The following KANK1 variants were observed in gnomAD, a reference collection of about 807,000 sequenced individuals.
KANK1 encodes the protein KN motif and ankyrin repeat domain-containing protein 1.
In KANK1, 109 loss-of-function variants were observed where a neutral mutation model predicts 106.2. The ratio of observed to expected loss-of-function variants is 1.03; its 90% CI spans 0.88 to 1.20. The LOEUF (loss-of-function observed/expected upper bound fraction) is 1.20. Ranked by LOEUF, KANK1 falls within the 50% of genes most tolerant of loss-of-function variation. The pLI, the probability that KANK1 is intolerant of heterozygous loss-of-function variation, is 0.00. For synonymous variants in KANK1, 873 were observed against 652.2 expected (o/e 1.34, Z -5.16); for missense variants, 2,399 against 1,710.7 (o/e 1.40, Z -7.10).
chr9:723,060 G>T (rs969174719), intron 3 of KANK1, among the ~76,000 whole-genome samples: 1 of 152,180 alleles, frequency 6.6e-6, no homozygotes, highest in African/African-American at 2.4e-5. Context: ...GAATTCAGCT[G>T]GTGAAGGATG....
chr9:480,958 C>G (rs891181194), intron 3 of KANK1, among the ~76,000 whole-genome samples: 3 of 152,170 alleles, frequency 2.0e-5, no homozygotes, highest in African/African-American at 7.2e-5. Flanking sequence ...GCTACTGTGT[C>G]CCAATAAACC....
chr9:493,232 T>G (rs1321887325), intron 3 of KANK1, among the ~76,000 whole-genome samples: 1 of 152,114 alleles, frequency 6.6e-6, no homozygotes, highest in East Asian at 1.9e-4. Context: ...TGGTCATTCT[T>G]TTTGTCTTTC....
At chr9:484,175 C>G (rs567213116) in intron 3 of KANK1, 1 of 152,046 alleles carries the variant, frequency 6.6e-6, no homozygotes, top group Non-Finnish European at 1.5e-5. Flanking sequence ...AAGGATATGT[C>G]GGTGACTATG....
At chr9:724,008 T>C (rs4742304) in intron 3 of KANK1, among the ~76,000 whole-genome samples, 57,057 of 147,716 alleles carry the variant, frequency 0.39, 11,753 homozygotes, top group Middle Eastern at 0.58. Flanking sequence ...GGGGCTGAGG[T>C]GGGAGGATTG....
chr9:573,524 C>T (rs192443898), intron 1 of KANK1, among the ~76,000 whole-genome samples: 8 of 152,224 alleles, frequency 5.3e-5, no homozygotes, highest in African/African-American at 9.6e-5. Context: ...CCCTCCTCGG[C>T]CTCCCAAAGT....
chr9:734,614 C>G (rs1833253633), intron 6 of KANK1, 134 bp from the exon 7 acceptor site: 1 of 589,922 alleles, frequency 1.7e-6, no homozygotes, highest in African/African-American at 1.9e-5. Flanking sequence ...TGCAGTGAGC[C>G]AAGATCATGC....
intron 11 of KANK1, 182 bp from the exon 12 acceptor site, chr9:744,991 A>G (rs537911209): frequency 6.7e-7 from 1 of 1,495,812 alleles, no homozygotes; most frequent in East Asian, 2.3e-5. Context: ...CGGACATAGC[A>G]CTGCTGAGCC....
upstream of KANK1, among the ~76,000 whole-genome samples, chr9:500,954 T>G (rs2058540758): frequency 6.6e-6 from 1 of 152,206 alleles, no homozygotes; most frequent in Admixed American, 6.5e-5. Context: ...TACAAACTAC[T>G]TTCTGTACCC....
chr9:742,579 G>A (rs554680555), intron 10 of KANK1, among the ~76,000 whole-genome samples, 174 bp downstream of exon 10: 1 of 152,274 alleles, frequency 6.6e-6, no homozygotes, highest in Admixed American at 6.5e-5. Flanking sequence ...TACTGTGTGT[G>A]TGCAAACTAA....
At chr9:535,366 C>G (rs2060249553) in intron 1 of KANK1, among the ~76,000 whole-genome samples, 2 of 152,100 alleles carry the variant, frequency 1.3e-5, no homozygotes, top group South Asian at 4.1e-4. Flanking sequence ...CGGGGGCTTT[C>G]CTGTGGGAGA....
intron 1 of KANK1, among the ~76,000 whole-genome samples, chr9:540,924 A>G (rs1394695499): frequency 6.6e-6 from 1 of 152,046 alleles, no homozygotes; most frequent in Non-Finnish European, 1.5e-5. Flanking sequence ...TGTCAGTTTT[A>G]TCTTTTCAAA....
At chr9:592,312 TGC>T (rs1825119649) in intron 1 of KANK1, among the ~76,000 whole-genome samples, 1 of 151,886 alleles carries the variant, frequency 6.6e-6, no homozygotes, top group Non-Finnish European at 1.5e-5. Flanking sequence ...TGCGCAGGAC[TGC>T]TCTTTCCCAG....
At chr9:483,186 C>A (rs999258132) in intron 3 of KANK1, among the ~76,000 whole-genome samples, 2 of 151,756 alleles carry the variant, frequency 1.3e-5, no homozygotes, top group Non-Finnish European at 2.9e-5. Context: ...GAAAAAAAAA[C>A]ATAGTATATA....
chr9:696,177 G>A (rs1042900850), intron 2 of KANK1, among the ~76,000 whole-genome samples: 5 of 151,856 alleles, frequency 3.3e-5, no homozygotes, highest in Admixed American at 6.6e-5. Flanking sequence ...CCAGCTACTC[G>A]GGAGGCTGAG....
intron 2 of KANK1, 53 bp downstream of exon 2, chr9:677,062 A>G: frequency 1.3e-6 from 2 of 1,503,154 alleles, no homozygotes; most frequent in Non-Finnish European, 1.8e-6. Flanking sequence ...TTCTCAAACT[A>G]ATTTTTTATT....
intron 1 of KANK1, among the ~76,000 whole-genome samples, chr9:662,180 C>T (rs1003369246): frequency 3.9e-5 from 6 of 152,056 alleles, no homozygotes; most frequent in African/African-American, 9.7e-5. Context: ...TAAAAGAGGA[C>T]ACAGACAAAT....
intron 1 of KANK1, among the ~76,000 whole-genome samples, chr9:548,014 A>G (rs1305645123): frequency 3.3e-5 from 5 of 152,174 alleles, no homozygotes; most frequent in Admixed American, 6.5e-5. Context: ...TGTCTATACC[A>G]TGAAATCCAT....
intron 1 of KANK1, among the ~76,000 whole-genome samples, chr9:529,350 G>A (rs1217359045): frequency 1.3e-5 from 2 of 150,720 alleles, no homozygotes; most frequent in African/African-American, 4.9e-5. Context: ...GTGCAATGGC[G>A]CCACCATGCC....
chr9:588,033 T>C (rs1356392467), intron 1 of KANK1, among the ~76,000 whole-genome samples: 1 of 150,956 alleles, frequency 6.6e-6, no homozygotes, highest in Non-Finnish European at 1.5e-5. Context: ...ACCATTGCAC[T>C]CTAGCCTGGG....
Sources: allele counts gnomAD v4.1 joint callset (sites outside exome capture counted in the v4.1 genomes callset), GRCh38; gene constraint gnomAD v4.1.1; transcripts MANE v1.5; gene names NCBI Gene and HGNC (gene_info 2026-07-23, HGNC 2026-07-21).